The following CNTNAP2 variants were observed in gnomAD, a reference collection of about 807,000 sequenced individuals.
CNTNAP2 encodes contactin associated protein 2.
In CNTNAP2, 98 loss-of-function variants were observed where a neutral mutation model predicts 155.2. That is an observed-to-expected ratio of 0.63 (90% confidence interval 0.54 to 0.75). CNTNAP2 has a LOEUF of 0.75. Among genes scored for constraint, CNTNAP2 ranks in the 30% least tolerant of loss-of-function variants. The pLI, the probability that CNTNAP2 is intolerant of heterozygous loss-of-function variation, is 0.00. For synonymous variants in CNTNAP2, 651 were observed against 631.2 expected, an observed-to-expected ratio of 1.03 and a Z score of -0.47; for missense variants, 1,727 against 1,688.1, an observed-to-expected ratio of 1.02 and a Z score of -0.40.
chr7:146,610,508 A>G (rs1397480872), intron 1 of CNTNAP2, among the ~76,000 whole-genome samples: 2 of 152,224 alleles, frequency 1.3e-5, no homozygotes, highest in African/African-American at 2.4e-5. Context: ...GGTAGATAAT[A>G]TTAAGGTCAG....
intron 13 of CNTNAP2, among the ~76,000 whole-genome samples, chr7:147,641,362 G>A (rs1270997886): frequency 6.6e-6 from 1 of 152,158 alleles, no homozygotes; most frequent in Non-Finnish European, 1.5e-5. Context: ...AGTAAACTGG[G>A]AAGGAAAGTA....
intron 11 of CNTNAP2, among the ~76,000 whole-genome samples, chr7:147,545,755 G>T (rs1292460669): frequency 6.6e-6 from 1 of 152,106 alleles, no homozygotes; most frequent in Non-Finnish European, 1.5e-5. Context: ...AAAACCTAAG[G>T]TTGCATCACT....
At chr7:146,838,674 T>C (rs966332903) in intron 2 of CNTNAP2, among the ~76,000 whole-genome samples, 1 of 152,202 alleles carries the variant, frequency 6.6e-6, no homozygotes, top group Admixed American at 6.5e-5. Flanking sequence ...TCTATCATAG[T>C]TTTAAGCAAA....
rs1425702745 is a variant in CNTNAP2 at position 148,324,409 on chromosome 7, A to G, written c.3475+57283A>G. 2.6e-5 allele frequency among the ~76,000 whole-genome samples: 4 copies of G among 152,212 alleles called. No individual in the cohort carries two copies. The East Asian group carries it at 7.7e-4, about 29-fold the overall frequency. ...ATGCCCTATCCCTCTTCCCTGACTT[A>G]TTCTTCTCCATAACTCACATTTTCA... On this transcript the variant is annotated intron_variant, in intron 21 of 23. Transcript: ENST00000361727.
intron 16 of CNTNAP2, among the ~76,000 whole-genome samples, chr7:148,134,332 T>C (rs928811650): frequency 1.3e-5 from 2 of 152,178 alleles, no homozygotes; most frequent in Non-Finnish European, 1.5e-5. Context: ...ATCTGTCAAG[T>C]GTAATTATAA....
intron 14 of CNTNAP2, among the ~76,000 whole-genome samples, chr7:147,908,394 A>G (rs1800004798): frequency 6.6e-6 from 1 of 152,164 alleles, no homozygotes. Context: ...AGCAAAAATG[A>G]CAGCAACTTT....
intron 1 of CNTNAP2, among the ~76,000 whole-genome samples, chr7:146,560,234 T>C (rs1430815532): frequency 2.6e-5 from 4 of 152,104 alleles, no homozygotes; most frequent in African/African-American, 4.8e-5. Flanking sequence ...ATAAGTGTCC[T>C]GCTTGATGGG....
chr7:146,484,978 AG>A (rs1797032643), intron 1 of CNTNAP2, among the ~76,000 whole-genome samples: 1 of 152,232 alleles, frequency 6.6e-6, no homozygotes, highest in Non-Finnish European at 1.5e-5. Context: ...AAGATAAAAA[AG>A]CTTTTATTAT....
intron 1 of CNTNAP2, among the ~76,000 whole-genome samples, chr7:146,121,110 TAAAGC>T (rs1797556005): frequency 7.1e-5 from 10 of 141,204 alleles, no homozygotes; most frequent in Non-Finnish European, 9.3e-5. Flanking sequence ...AAAGTTTACA[TAAAGC>T]TTCCTTTTTT....
At chr7:147,083,022 A>G (rs975604688) in intron 4 of CNTNAP2, 10 of 152,150 alleles carry the variant, frequency 6.6e-5, no homozygotes, top group African/African-American at 2.4e-4. Context: ...AGGTGTTCTC[A>G]GCACGCCTCT....
chr7:146,118,247 T>C (rs1797515428), intron 1 of CNTNAP2, among the ~76,000 whole-genome samples: 1 of 152,144 alleles, frequency 6.6e-6, no homozygotes, highest in African/African-American at 2.4e-5. Context: ...TCCCACAATG[T>C]GTAAAGATAA....
In CNTNAP2 at chr7:148,366,426, C is replaced by T. The variant is rs1798783140; in HGVS notation, c.3476-17223C>T. ...TCACTATTGAATCCTCACCACCTGG[C>T]ATACAATAGATACTCAATAATTCCT... is the stretch of plus-strand genomic sequence containing the variant. On this transcript the variant is annotated intron_variant, in intron 21 of 23. Transcript: ENST00000361727. Among the ~76,000 whole-genome samples the T allele has an allele frequency of 3.9e-5, 6 of 152,080 alleles. No individual in the cohort carries two copies. The South Asian group carries it at 1.2e-3, about 32-fold the overall frequency.
At position 148,176,211 on chromosome 7, in the gene CNTNAP2, C is replaced by CTTT. The variant is rs1188113801; in HGVS notation, c.3010+3758_3010+3760dup. The stretch of plus-strand genomic sequence containing the variant: ...ACCCTTTTTTCTTTTCTTTCTTTCT[C>CTTT]TTTTTTTTTTTTTTTTTTTTTTTTT... On this transcript the variant is annotated intron_variant, in intron 18 of 23. Coordinates refer to ENST00000361727, the MANE Select transcript of CNTNAP2 (RefSeq NM_014141.6). Among the ~76,000 whole-genome samples the CTTT allele has an allele frequency of 1.5e-3, 136 of 92,796 alleles. 9 individuals carry two copies. The highest frequency in any genetic ancestry group is 5.1e-3 in the African/African-American group (118 of 23,290). 60.9% of individuals were successfully genotyped at this position (92,796 alleles called of 152,430 possible). A position where few individuals can be genotyped will look rare whatever the true frequency, so the allele number is the denominator to read the frequency against.
At position 146,522,559 on chromosome 7, in the gene CNTNAP2, G is replaced by GA. The variant is rs1367427967; in HGVS notation, c.98-251706dup. ...TTTTTGAGCAGTCCAGCCTAAGAAT[G>GA]AAAAAATATATATAGAAATACTGAG... On this transcript the variant is annotated intron_variant, in intron 1 of 23. Transcript: ENST00000361727. Among the ~76,000 whole-genome samples, 3 of 151,656 alleles carry GA rather than the reference G, an allele frequency of 2.0e-5. No individual in the cohort carries two copies. The East Asian group carries it at 5.8e-4, about 29-fold the overall frequency.
intron 8 of CNTNAP2, among the ~76,000 whole-genome samples, chr7:147,156,455 T>G (rs1801928151): frequency 6.6e-6 from 1 of 152,176 alleles, no homozygotes; most frequent in South Asian, 2.1e-4. Context: ...GAAAAATCAA[T>G]GCAAAATTGT....
chr7:148,263,664 G>C (rs1388286750), intron 20 of CNTNAP2, among the ~76,000 whole-genome samples: 1 of 151,514 alleles, frequency 6.6e-6, no homozygotes, highest in African/African-American at 2.4e-5. Context: ...GTGAACCCGG[G>C]AGGCGGAGCT....
In CNTNAP2 at chr7:146,212,531, A is replaced by G. The variant is rs77521285; in HGVS notation, c.97+95558A>G. On this transcript the variant is annotated intron_variant, in intron 1 of 23. Transcript: ENST00000361727. ...CATGAATCCTGTTGAAAGAGCACCA[A>G]TGAAATTCCAAATTGACCAGAGTAT... Among the ~76,000 whole-genome samples, 276 of 152,302 alleles carry G rather than the reference A, an allele frequency of 1.8e-3. 1 individual carries two copies. Among genetic ancestry groups the G allele is most frequent in the African/African-American group, 4.8e-3 (201 of 41,568 alleles).
At chr7:147,878,702 T>C (rs1476401605) in intron 13 of CNTNAP2, among the ~76,000 whole-genome samples, 1 of 152,214 alleles carries the variant, frequency 6.6e-6, no homozygotes, top group Non-Finnish European at 1.5e-5. Context: ...TAAGTCACTC[T>C]GATTTCATTC....
chr7:147,624,729 A>G (rs1182759986), intron 12 of CNTNAP2, among the ~76,000 whole-genome samples: 1 of 152,200 alleles, frequency 6.6e-6, no homozygotes, highest in Non-Finnish European at 1.5e-5. Context: ...TAGAACTATC[A>G]TATGATCCAG....
Sources: allele counts gnomAD v4.1 joint callset (sites outside exome capture counted in the v4.1 genomes callset), GRCh38; gene constraint gnomAD v4.1.1; transcripts MANE v1.5; gene names NCBI Gene and HGNC (gene_info 2026-07-23, HGNC 2026-07-21).